The following OPRM1 variants were observed in gnomAD, a reference collection of about 807,000 sequenced individuals.
OPRM1 encodes mu-type opioid receptor.
A neutral mutation model predicts 31.8 loss-of-function variants in OPRM1; 27 were observed. The observed-to-expected ratio is 0.85, with a 90% CI of 0.63 to 1.17. OPRM1 has a LOEUF of 1.17. Among genes scored for constraint, OPRM1 ranks in the 50% most tolerant of loss-of-function variants. OPRM1 has a pLI of 0.00. For missense variants in OPRM1, 536 were observed against 511.1 expected (o/e 1.05, Z -0.47); for synonymous variants, 196 against 189.9 (o/e 1.03, Z -0.26).
In OPRM1 at chr6:154,044,119, TAGAG is replaced by T. The variant is rs3836998; in HGVS notation, c.290+4301_290+4304del. Among the ~76,000 whole-genome samples the T allele has an allele frequency of 1.1e-3, 168 of 148,952 alleles. 2 individuals carry two copies. In the East Asian group the frequency reaches 0.013, roughly 12 times the overall value. ...CTTAAAGGATGGATGGATAGATAGA[TAGAG>T]AGAGAGAGAGAGAGATAGACAGACT... On this transcript the variant is annotated intron_variant, in intron 1 of 3. Coordinates refer to ENST00000330432, the MANE Select transcript of OPRM1 (RefSeq NM_000914.5).
At chr6:154,136,407 A>G (rs1203886394), downstream of OPRM1, among the ~76,000 whole-genome samples, 2 of 152,230 alleles carry the variant, frequency 1.3e-5, no homozygotes, top group Non-Finnish European at 2.9e-5. Flanking sequence ...TGTGTGTATG[A>G]TATTAGGCTA....
chr6:154,010,824 T>C (rs1777685282), exon 1 of OPRM1: 1 of 1,375,616 alleles, frequency 7.3e-7, no homozygotes, highest in African/African-American at 1.5e-5. Context: ...AGAAAAGGGC[T>C]CCTGCTTTTC....
chr6:154,060,437 A>G (rs1784166051), intron 1 of OPRM1, among the ~76,000 whole-genome samples: 1 of 152,234 alleles, frequency 6.6e-6, no homozygotes. Context: ...CAAATGGTTA[A>G]TGGGGTCACT....
intron 3 of OPRM1, among the ~76,000 whole-genome samples, chr6:154,222,384 C>T (rs1346577568): frequency 1.3e-5 from 2 of 152,216 alleles, no homozygotes; most frequent in African/African-American, 4.8e-5. Flanking sequence ...TAAAAGAAAA[C>T]TACTCAATTG....
chr6:154,039,061 G>A (rs377425070), upstream of OPRM1: 5 of 1,372,378 alleles, frequency 3.6e-6, no homozygotes, highest in East Asian at 7.7e-5. Context: ...AAAAGGCGCT[G>A]GAAAATTGAG....
intron 1 of OPRM1, among the ~76,000 whole-genome samples, chr6:154,032,829 G>T (rs1383061905): frequency 6.6e-6 from 1 of 152,196 alleles, no homozygotes; most frequent in Non-Finnish European, 1.5e-5. Context: ...AGATGGTGAT[G>T]CCATTAAGAG....
At chr6:154,083,453 T>A (rs1387501861) in intron 1 of OPRM1, 1 of 152,220 alleles carries the variant, frequency 6.6e-6, no homozygotes, top group Non-Finnish European at 1.5e-5. Flanking sequence ...AAAATAAAAA[T>A]ACAATTAGTT....
chr6:154,140,633 T>C (rs1798179722), intron 3 of OPRM1, among the ~76,000 whole-genome samples: 1 of 152,170 alleles, frequency 6.6e-6, no homozygotes, highest in Non-Finnish European at 1.5e-5. Flanking sequence ...CCTGGCCTTA[T>C]TTTTGAGGCA....
At chr6:154,070,986 G>C (rs935802102) in intron 1 of OPRM1, among the ~76,000 whole-genome samples, 1 of 152,124 alleles carries the variant, frequency 6.6e-6, no homozygotes, top group African/African-American at 2.4e-5. Context: ...GGGAACATTG[G>C]ATAGACATTG....
chr6:154,086,319 G>A (rs1246824538), intron 1 of OPRM1, among the ~76,000 whole-genome samples: 1 of 152,158 alleles, frequency 6.6e-6, no homozygotes, highest in Non-Finnish European at 1.5e-5. Context: ...GGGTAAGAAT[G>A]CTGGCTATCT....
intron 1 of OPRM1, among the ~76,000 whole-genome samples, chr6:154,056,783 A>G (rs1192594145): frequency 6.6e-6 from 1 of 152,142 alleles, no homozygotes; most frequent in Admixed American, 6.5e-5. Context: ...AAACGTTGCC[A>G]GCAGTATAAC....
At chr6:154,084,364 C>A (rs1789974450) in intron 1 of OPRM1, among the ~76,000 whole-genome samples, 1 of 151,968 alleles carries the variant, frequency 6.6e-6, no homozygotes, top group Admixed American at 6.6e-5. Context: ...AGAGGATAAT[C>A]ACTAGTTTTG....
At chr6:154,028,807 T>C (rs942952996) in intron 1 of OPRM1, among the ~76,000 whole-genome samples, 5 of 152,280 alleles carry the variant, frequency 3.3e-5, no homozygotes, top group Middle Eastern at 3.4e-3. Context: ...GCACTCTCCA[T>C]ACACTGCCCA....
Position 154,232,515 on chromosome 6 carries a change from G to A in OPRM1, c.1165-14178G>A, listed in dbSNP as rs2882587. Among the ~76,000 whole-genome samples, 810 of 152,284 alleles carry A rather than the reference G, an allele frequency of 5.3e-3. 5 individuals are homozygous for A. Among genetic ancestry groups the A allele is most frequent in the African/African-American group, 0.019 (772 of 41,544 alleles). On this transcript the variant is annotated intron_variant, in intron 3 of 3. Coordinates refer to the OPRM1 transcript ENST00000337049. Reference sequence around the variant, plus strand: ...GGTATTATACCATGGGAACCATCATGTGGTATTATTAAAGTGACAGGACTC... The same window carrying A: ...GGTATTATACCATGGGAACCATCATATGGTATTATTAAAGTGACAGGACTC...
rs947460083 is a variant in OPRM1 at position 154,122,973 on chromosome 6, C to T, written c.*4252C>T. The stretch of plus-strand genomic sequence containing the variant: ...GTTATCCGAGCTCGTTGTCTCACAA[C>T]CAAGAAAATTAAGGAGCATGGACAC... On this transcript the variant is annotated 3_prime_UTR_variant, in exon 4 of 4. Transcript: ENST00000330432. Among the ~76,000 whole-genome samples, 1 of 152,066 alleles carries T rather than the reference C, an allele frequency of 6.6e-6. No individual in the cohort carries two copies. The highest frequency in any genetic ancestry group is 1.5e-5 in the Non-Finnish European group (1 of 68,020).
chr6:154,104,271 T>C (rs1430559509), intron 3 of OPRM1, among the ~76,000 whole-genome samples: 1 of 152,208 alleles, frequency 6.6e-6, no homozygotes, highest in Non-Finnish European at 1.5e-5. Context: ...AAATGTTTAG[T>C]TAAAGAAAAC....
chr6:154,104,355 A>C (rs1005390284), intron 3 of OPRM1, among the ~76,000 whole-genome samples: 6 of 152,256 alleles, frequency 3.9e-5, no homozygotes, highest in African/African-American at 1.4e-4. Flanking sequence ...AAAGCAAAAC[A>C]AATGAAGTTA....
intron 3 of OPRM1, among the ~76,000 whole-genome samples, chr6:154,190,041 T>C (rs746779919): frequency 6.6e-6 from 1 of 152,134 alleles, no homozygotes; most frequent in African/African-American, 2.4e-5. Context: ...CTATAAACTA[T>C]CTTGTAGACA....
chr6:154,241,304 C>T (rs1780572922), intron 3 of OPRM1, among the ~76,000 whole-genome samples: 1 of 150,554 alleles, frequency 6.6e-6, no homozygotes, highest in Non-Finnish European at 1.5e-5. Flanking sequence ...CTAGTCAAGG[C>T]TCAGGGGCCT....
Sources: allele counts gnomAD v4.1 joint callset (sites outside exome capture counted in the v4.1 genomes callset), GRCh38; gene constraint gnomAD v4.1.1; transcripts MANE v1.5; gene names NCBI Gene and HGNC (gene_info 2026-07-23, HGNC 2026-07-21).